Variants in SCARB2 observed in about 807,000 individuals in gnomAD.
SCARB2 encodes scavenger receptor class B member 2, also known as lysosome membrane protein 2.
SCARB2 carries 29 observed loss-of-function variants against 58.6 expected under a neutral mutation model. That is an observed-to-expected ratio of 0.49 (90% CI 0.37 to 0.67). SCARB2 has a LOEUF of 0.67. SCARB2 is among the 30% of genes least tolerant of loss of function. The pLI, the probability that SCARB2 is intolerant of heterozygous loss-of-function variation, is 0.00. For missense variants in SCARB2, 488 were observed against 578.5 expected (o/e 0.84, Z 1.60); for synonymous variants, 195 against 210.1 (o/e 0.93, Z 0.62).
chr4:76,205,325 C>CAAAACA (rs529501976), intron 1 of SCARB2, among the ~76,000 whole-genome samples: 3 of 150,408 alleles, frequency 2.0e-5, no homozygotes, highest in Non-Finnish European at 3.0e-5. Context: ...AGCCCTATCT[C>CAAAACA]AAAACAAAAA....
chr4:76,176,664 T>C (rs2109944482), intron 4 of SCARB2, 136 bp from the exon 5 acceptor site: 2 of 653,978 alleles, frequency 3.1e-6, no homozygotes, highest in Non-Finnish European at 5.4e-6. Flanking sequence ...GTGTGATTAA[T>C]ATCTACAATC....
chr4:76,206,587 C>G (rs2109968402), intron 1 of SCARB2, among the ~76,000 whole-genome samples: 2 of 151,926 alleles, frequency 1.3e-5, no homozygotes, highest in Admixed American at 1.3e-4. Context: ...TCTATTCATC[C>G]AAGTAACACT....
chr4:76,196,456 C>T (rs1732714963), intron 1 of SCARB2, among the ~76,000 whole-genome samples: 1 of 152,190 alleles, frequency 6.6e-6, no homozygotes, highest in Non-Finnish European at 1.5e-5. Flanking sequence ...ACCTAGGGCA[C>T]AGATTGAGTG....
intron 2 of SCARB2, among the ~76,000 whole-genome samples, chr4:76,182,987 T>C (rs890599223): frequency 1.3e-5 from 2 of 152,230 alleles, no homozygotes; most frequent in Non-Finnish European, 2.9e-5. Context: ...TGAACCATCA[T>C]AAGTCAAGGA....
intron 1 of SCARB2, among the ~76,000 whole-genome samples, chr4:76,198,724 G>A (rs982701208): frequency 3.9e-5 from 6 of 152,110 alleles, no homozygotes; most frequent in Non-Finnish European, 4.4e-5. Context: ...TTGCCCTCAA[G>A]AGTGGTGGCT....
chr4:76,159,225 G>A lies in SCARB2; in HGVS notation c.*2488C>T, dbSNP rs959518350. The A allele has an allele frequency of 6.6e-6, 1 of 152,222 alleles. No homozygotes were observed. The highest frequency in any genetic ancestry group is 2.4e-5 in the African/African-American group (1 of 41,456). 9.4% of individuals were successfully genotyped at this position (152,222 alleles called of 1,614,324 possible). ...AAGCTTGCATTCTGTGATCATGACAGTGCTTACAATCACAAAGCCTTTGGG... is the reference window on the plus strand; with the variant it reads ...AAGCTTGCATTCTGTGATCATGACAATGCTTACAATCACAAAGCCTTTGGG... On this transcript the variant is annotated 3_prime_UTR_variant, in exon 12 of 12. Coordinates refer to ENST00000264896, the MANE Select transcript of SCARB2 (RefSeq NM_005506.4).
intron 1 of SCARB2, among the ~76,000 whole-genome samples, chr4:76,202,501 T>C (rs569233229): frequency 8.5e-5 from 13 of 152,328 alleles, no homozygotes; most frequent in Admixed American, 6.5e-4. Flanking sequence ...TCTCAGGTGA[T>C]CTGCCCACCT....
At chr4:76,187,328 G>A (rs1732508341) in intron 2 of SCARB2, among the ~76,000 whole-genome samples, 1 of 152,170 alleles carries the variant, frequency 6.6e-6, no homozygotes, top group African/African-American at 2.4e-5. Flanking sequence ...AAGGTTCACA[G>A]AGTGCCATGA....
In SCARB2 at chr4:76,232,683, C is replaced by T. The variant is rs143052491; in HGVS notation, c.-358+1620G>A. 9.9e-4 allele frequency among the ~76,000 whole-genome samples: 150 copies of T among 152,146 alleles called. No individual in the cohort carries two copies. The Middle Eastern group carries it at 0.027, about 28-fold the overall frequency. The stretch of plus-strand genomic sequence containing the variant: ...ACATCATTATGACAATTTCATTTAC[C>T]TAGACATGTCAAATCATCTCGTTTG... On this transcript the variant is annotated intron_variant, in intron 1 of 11. Coordinates refer to the SCARB2 transcript ENST00000638295.
chr4:76,185,083 G>A (rs1732458878), intron 2 of SCARB2, among the ~76,000 whole-genome samples: 1 of 152,216 alleles, frequency 6.6e-6, no homozygotes, highest in Non-Finnish European at 1.5e-5. Context: ...AAGGATATGT[G>A]GATTCAGGAC....
At position 76,174,323 on chromosome 4, in the gene SCARB2, T is replaced by C. The variant is rs1233610339; in HGVS notation, c.825-10A>G. 1.2e-6 allele frequency: 2 copies of C among 1,613,820 alleles called. No homozygotes were observed. Among genetic ancestry groups the C allele is most frequent in the East Asian group, 4.5e-5 (2 of 44,880 alleles). On this transcript the variant is annotated splice_polypyrimidine_tract_variant and intron_variant, in intron 6 of 11. Transcript: ENST00000264896. ...AGTAATATACACTGACCTGTTAGGA[T>C]GTAAGAATAAAAAGTGAATGTGGAC...
chr4:76,208,131 T>A (rs1434818477), intron 1 of SCARB2, among the ~76,000 whole-genome samples: 1 of 152,206 alleles, frequency 6.6e-6, no homozygotes, highest in Admixed American at 6.5e-5. Flanking sequence ...ATTCAGCAAG[T>A]CTGGGATGGG....
At chr4:76,174,934 T>C (rs184433708) in intron 6 of SCARB2, 34 of 156,508 alleles carry the variant, frequency 2.2e-4, no homozygotes, top group African/African-American at 7.9e-4. Flanking sequence ...CTGCTTACAC[T>C]GCATAGTGCC....
intron 1 of SCARB2, among the ~76,000 whole-genome samples, chr4:76,231,877 C>T (rs1733499572): frequency 6.6e-6 from 1 of 152,192 alleles, no homozygotes; most frequent in South Asian, 2.1e-4. Context: ...GGCCAGTTTC[C>T]CCACTGGGAT....
At chr4:76,165,478 A>G (rs1731987926) in intron 10 of SCARB2, 1 of 152,236 alleles carries the variant, frequency 6.6e-6, no homozygotes, top group East Asian at 1.9e-4. Flanking sequence ...CAATTTTTAA[A>G]AAAATTTCTA....
At chr4:76,184,785 CAAAAAA>C (rs35947779) in intron 2 of SCARB2, 24 of 323,820 alleles carry the variant, frequency 7.4e-5, no homozygotes, top group East Asian at 4.2e-4. Context: ...TTGTCTCTAC[CAAAAAA>C]AAAAAAAATT....
rs376806999 is a variant in SCARB2 at position 76,163,296 on chromosome 4, T to C, written c.1327A>G (p.Met443Val). 1 of 1,614,146 alleles carries C rather than the reference T, an allele frequency of 6.2e-7. No individual in the cohort carries two copies. Among genetic ancestry groups the C allele is most frequent in the African/African-American group, 1.3e-5 (1 of 75,034 alleles). ...LIITNIPYII[M>V]ALGVFFGLVF... ...AAACCAAAGAACACACCCAGCGCCA[T>C]GATGATGTAGGGTATGTTGGTGATG... Residue 443 changes from methionine to valine, a missense_variant, in exon 11 of 12, where the codon ATG (methionine) becomes GTG (valine). Met to Val is a conservative substitution (Grantham distance 21, BLOSUM62 1). Coordinates refer to ENST00000264896, the MANE Select transcript of SCARB2 (RefSeq NM_005506.4).
upstream of SCARB2, chr4:76,214,034 G>A (rs536059160): frequency 6.4e-5 from 17 of 266,262 alleles, 1 homozygote; most frequent in South Asian, 4.7e-4. Context: ...CGGCCTGGCC[G>A]CTCCCAGCGC....
At chr4:76,177,164 TA>T (rs1560709081) in intron 4 of SCARB2, 1 of 152,126 alleles carries the variant, frequency 6.6e-6, no homozygotes, top group African/African-American at 2.4e-5. Context: ...TTTATGGTTT[TA>T]AAAAGTAGGA....
Sources: allele counts gnomAD v4.1 joint callset (sites outside exome capture counted in the v4.1 genomes callset), GRCh38; gene constraint gnomAD v4.1.1; transcripts MANE v1.5; gene names NCBI Gene and HGNC (gene_info 2026-07-23, HGNC 2026-07-21).